Variants in SLC25A21 observed in about 807,000 individuals in gnomAD.
The protein encoded by SLC25A21 is solute carrier family 25 member 21.
Under a neutral mutation model 43.8 loss-of-function variants are expected in SLC25A21, and 47 were observed. The observed-to-expected ratio is 1.07, with a 90% CI of 0.85 to 1.37. The LOEUF (loss-of-function observed/expected upper bound fraction) is 1.37, where lower values mean the gene tolerates loss of function less well. Among genes scored for constraint, SLC25A21 ranks in the 40% most tolerant of loss-of-function variants. SLC25A21 has a pLI of 0.00. For missense variants in SLC25A21, 352 were observed against 350.2 expected (o/e 1.00, Z -0.04); for synonymous variants, 131 against 121.3 (o/e 1.08, Z -0.52).
At chr14:36,977,436 C>G (rs1289711903) in intron 1 of SLC25A21, among the ~76,000 whole-genome samples, 2 of 152,108 alleles carry the variant, frequency 1.3e-5, no homozygotes, top group Non-Finnish European at 2.9e-5. Context: ...AAAATGTTTC[C>G]TATAACATAA....
At chr14:36,942,494 T>C (rs2138651072) in intron 1 of SLC25A21, among the ~76,000 whole-genome samples, 1 of 152,310 alleles carries the variant, frequency 6.6e-6, no homozygotes, top group Admixed American at 6.5e-5. Context: ...TAATCTATGC[T>C]TTCTATCACA....
At chr14:36,970,374 T>G (rs1959722577) in intron 1 of SLC25A21, among the ~76,000 whole-genome samples, 2 of 152,184 alleles carry the variant, frequency 1.3e-5, no homozygotes, top group Admixed American at 1.3e-4. Context: ...CAAAATTCAC[T>G]AACATACATG....
chr14:36,859,189 A>G (rs775465438), intron 2 of SLC25A21, among the ~76,000 whole-genome samples: 4 of 152,226 alleles, frequency 2.6e-5, no homozygotes, highest in Non-Finnish European at 5.9e-5. Context: ...TAAAAAGAAA[A>G]TGCTTAGGAT....
chr14:36,693,872 T>A (rs1296041782), intron 7 of SLC25A21, among the ~76,000 whole-genome samples: 2 of 152,048 alleles, frequency 1.3e-5, no homozygotes, highest in Non-Finnish European at 2.9e-5. Flanking sequence ...TTTAAATGAA[T>A]AAAAAACCCA....
chr14:36,736,102 A>AT, intron 3 of SLC25A21, among the ~76,000 whole-genome samples: 1 of 151,468 alleles, frequency 6.6e-6, no homozygotes, highest in Non-Finnish European at 1.5e-5. Flanking sequence ...CGCCCGGCTA[A>AT]TTTTTTATAT....
chr14:36,697,252 T>C (rs1474292555), intron 7 of SLC25A21, among the ~76,000 whole-genome samples: 1 of 152,238 alleles, frequency 6.6e-6, no homozygotes. Flanking sequence ...AGTTCTAATT[T>C]GATTGCACTG....
intron 7 of SLC25A21, among the ~76,000 whole-genome samples, chr14:36,691,471 A>G (rs914213342): frequency 7.2e-5 from 11 of 152,332 alleles, no homozygotes; most frequent in South Asian, 6.2e-4. Context: ...CCAATTAGGA[A>G]CTGTTTCTTG....
At chr14:36,937,977 C>A (rs985420752) in intron 1 of SLC25A21, among the ~76,000 whole-genome samples, 2 of 152,026 alleles carry the variant, frequency 1.3e-5, no homozygotes, top group African/African-American at 4.8e-5. Context: ...TTATTTCAGA[C>A]ATTTTCTGGA....
At position 36,679,523 on chromosome 14, in the gene SLC25A21, C is replaced by CAAG. The variant is rs1882098698; in HGVS notation, c.*1132_*1134dup. The CAAG allele has an allele frequency of 4.1e-6, 4 of 985,364 alleles. No homozygotes were observed. Among genetic ancestry groups the CAAG allele is most frequent in the Non-Finnish European group, 4.8e-6 (4 of 829,902 alleles). The allele number at this position is 985,364 out of a possible 1,614,324, so 61.0% of individuals were successfully genotyped here. On this transcript the variant is annotated 3_prime_UTR_variant, in exon 10 of 10. Transcript: ENST00000331299. The stretch of plus-strand genomic sequence containing the variant: ...TCATCTCTGGATGCAGATATAAAAT[C>CAAG]AAGTTTGGTTACATCAAGACCAAGG...
At chr14:36,904,821 A>C (rs1319311873) in intron 1 of SLC25A21, among the ~76,000 whole-genome samples, 1 of 152,134 alleles carries the variant, frequency 6.6e-6, no homozygotes, top group African/African-American at 2.4e-5. Flanking sequence ...ACCTCCCACC[A>C]GGTCCCTCCC....
chr14:36,800,192 C>T (rs551094481), intron 3 of SLC25A21, among the ~76,000 whole-genome samples: 4 of 152,182 alleles, frequency 2.6e-5, no homozygotes, highest in South Asian at 4.1e-4. Flanking sequence ...ATAGAATTAT[C>T]ATATGCTCTA....
At chr14:36,945,607 T>C (rs187069545) in intron 1 of SLC25A21, among the ~76,000 whole-genome samples, 1 of 152,262 alleles carries the variant, frequency 6.6e-6, no homozygotes, top group Non-Finnish European at 1.5e-5. Context: ...AATAAGCCAG[T>C]CCTAAAAGGA....
At chr14:37,150,372 A>T (rs1437318317) in intron 1 of SLC25A21, among the ~76,000 whole-genome samples, 11 of 152,202 alleles carry the variant, frequency 7.2e-5, no homozygotes, top group Admixed American at 7.2e-4. Flanking sequence ...GAACCAACAT[A>T]AAGAAAATAA....
chr14:37,136,355 C>T lies in SLC25A21; in HGVS notation c.70+35926G>A, dbSNP rs371268786. Among the ~76,000 whole-genome samples, 111 of 152,182 alleles carry T rather than the reference C, an allele frequency of 7.3e-4. 2 individuals carry two copies. In the South Asian group the frequency reaches 0.022, roughly 30 times the overall value. On this transcript the variant is annotated intron_variant, in intron 1 of 9. Coordinates refer to ENST00000331299, the MANE Select transcript of SLC25A21 (RefSeq NM_030631.4). ...CCTTTCATGCCTAAGTATGATTATG[C>T]ACAGAGAAAGAAACAGAAAATAAAT...
Position 36,979,323 on chromosome 14 carries a change from G to GTTTT in SLC25A21, c.71-104323_71-104320dup, listed in dbSNP as rs145296225. ...AATCAAAATAACCAATTAAGGTAGT[G>GTTTT]TTTTTTTGGTTTTTTTTTTTACTGT... is the stretch of plus-strand genomic sequence containing the variant. On this transcript the variant is annotated intron_variant, in intron 1 of 9. Transcript: ENST00000331299. 6.6e-4 allele frequency among the ~76,000 whole-genome samples: 82 copies of GTTTT among 123,764 alleles called. 1 individual carries two copies. Among genetic ancestry groups the GTTTT allele is most frequent in the East Asian group, 2.4e-3 (12 of 5,094 alleles). 81.2% of individuals were successfully genotyped at this position (123,764 alleles called of 152,430 possible). A position where few individuals can be genotyped will look rare whatever the true frequency, so the allele number is the denominator to read the frequency against.
rs1426001365 is a variant in SLC25A21, at chr14:36,863,678, T to C, written c.119+11278A>G. Among the ~76,000 whole-genome samples the C allele has an allele frequency of 2.0e-5, 3 of 152,220 alleles. No homozygotes were observed. The East Asian group carries it at 5.8e-4, about 29-fold the overall frequency. On this transcript the variant is annotated intron_variant, in intron 2 of 9. Transcript: ENST00000331299. ...TAATAAGATTAAAAAATAATTTTAGTCTATGGCAGCAAGATTCTTCTGCAC... is the reference window on the plus strand; with the variant it reads ...TAATAAGATTAAAAAATAATTTTAGCCTATGGCAGCAAGATTCTTCTGCAC...
chr14:36,701,920 C>T (rs1268966643), intron 7 of SLC25A21, among the ~76,000 whole-genome samples: 2 of 152,080 alleles, frequency 1.3e-5, no homozygotes, highest in Non-Finnish European at 2.9e-5. Context: ...AGAGGGAGCA[C>T]ACTGAGATGC....
chr14:37,051,676 G>C (rs1342745559), intron 1 of SLC25A21, among the ~76,000 whole-genome samples: 2 of 152,190 alleles, frequency 1.3e-5, no homozygotes, highest in Non-Finnish European at 2.9e-5. Flanking sequence ...TCCCACCCCT[G>C]AATCTAAAAG....
intron 7 of SLC25A21, among the ~76,000 whole-genome samples, chr14:36,695,404 G>A (rs550272666): frequency 3.9e-5 from 6 of 152,058 alleles, no homozygotes; most frequent in Non-Finnish European, 8.8e-5. Flanking sequence ...GCTCTTTTTC[G>A]GTTCCATATG....
Sources: gnomAD v4.1 joint callset for allele counts (sites outside exome capture counted in the v4.1 genomes callset) on GRCh38, gnomAD v4.1.1 for gene constraint, MANE v1.5 for transcripts, NCBI Gene and HGNC (gene_info 2026-07-23, HGNC 2026-07-21) for gene names.